The following COLEC10 variants were observed in gnomAD, a reference collection of about 807,000 sequenced individuals.
COLEC10 encodes the protein collectin subfamily member 10.
COLEC10 carries 22 observed loss-of-function variants against 28.4 expected under a neutral mutation model. The observed-to-expected ratio is 0.78, with a 90% CI of 0.55 to 1.11. The LOEUF (loss-of-function observed/expected upper bound fraction) is 1.11. Ranked by LOEUF, COLEC10 falls within the 50% of genes least tolerant of loss-of-function variation. The pLI is 0.00. For synonymous variants in COLEC10, 125 were observed against 116.1 expected (o/e 1.08, Z -0.49); for missense variants, 361 against 344.1 (o/e 1.05, Z -0.39).
At chr8:119,020,106 C>T (rs1364794102) in intron 2 of COLEC10, among the ~76,000 whole-genome samples, 1 of 152,086 alleles carries the variant, frequency 6.6e-6, no homozygotes, top group African/African-American at 2.4e-5. Context: ...CATAGCCTGG[C>T]CTTCCTTTTT....
chr8:119,085,599 C>CTTTTTTTTTTTTTTTTTTTTTT (rs66829005), intron 1 of COLEC10, among the ~76,000 whole-genome samples: 12 of 63,548 alleles, frequency 1.9e-4, no homozygotes, highest in East Asian at 5.9e-4. Context: ...TCTTCTTCTT[C>CTTTTTTTTTTTTTTTTTTTTTT]TTTTTTTTTT....
the COLEC10 span, among the ~76,000 whole-genome samples, chr8:118,980,755 C>CA: frequency 0.068 from 10,278 of 151,928 alleles, 610 homozygotes; most frequent in East Asian, 0.17. Flanking sequence ...TAGACACGTT[C>CA]AAAAATTCAG....
intron 2 of COLEC10, among the ~76,000 whole-genome samples, chr8:119,032,155 T>C (rs985139259): frequency 6.6e-6 from 1 of 152,204 alleles, no homozygotes; most frequent in Non-Finnish European, 1.5e-5. Context: ...GTGAATCTGG[T>C]TTACAGTCTT....
At chr8:118,995,477 ACAGTCTGGCAGATTATTTAGCC>A (rs1363083531) in exon 1 of COLEC10, 4 of 152,228 alleles carry the variant, frequency 2.6e-5, no homozygotes, top group African/African-American at 9.6e-5. Context: ...TGCGGCAGGA[ACAGTCTGGCAGATTATTTAGCC>A]CAGCCTCATA....
intron 2 of COLEC10, among the ~76,000 whole-genome samples, chr8:119,056,771 TA>T (rs1041122248): frequency 6.6e-6 from 1 of 151,474 alleles, no homozygotes; most frequent in Admixed American, 6.6e-5. Context: ...GCATTCTTTT[TA>T]AAAAAAAATC....
intron 2 of COLEC10, among the ~76,000 whole-genome samples, chr8:119,049,605 G>A (rs112201441): frequency 5.5e-4 from 84 of 151,636 alleles, no homozygotes; most frequent in Admixed American, 1.5e-3. Context: ...TAGTAGAGAC[G>A]AGGTTTCACC....
chr8:119,082,650 G>A lies in COLEC10; in HGVS notation c.149-7030G>A, dbSNP rs570774461. Among the ~76,000 whole-genome samples the A allele has an allele frequency of 5.3e-5, 8 of 152,330 alleles. No individual in the cohort carries two copies. In the South Asian group the frequency reaches 1.5e-3, roughly 28 times the overall value. On this transcript the variant is annotated intron_variant, in intron 1 of 5. Coordinates refer to ENST00000332843, the MANE Select transcript of COLEC10 (RefSeq NM_006438.5). ...AGAGGACTCCTTGGGAGAGGAGGTA[G>A]CACATGAGCTGAACTGACGAGGTAC...
intron 1 of COLEC10, among the ~76,000 whole-genome samples, chr8:119,074,634 C>T (rs1458379894): frequency 6.6e-6 from 1 of 152,106 alleles, no homozygotes; most frequent in Non-Finnish European, 1.5e-5. Flanking sequence ...TAGAAACATA[C>T]CAGGGAAAGA....
intron 2 of COLEC10, among the ~76,000 whole-genome samples, chr8:119,030,489 C>A (rs1814268357): frequency 6.6e-6 from 1 of 151,982 alleles, no homozygotes; most frequent in African/African-American, 2.4e-5. Context: ...TATGGTGAAA[C>A]CCCGTCTCTA....
rs759636787 is a variant in COLEC10, at chr8:119,103,937, C to T, written c.442+42C>T. The T allele has an allele frequency of 1.4e-5, 17 of 1,215,738 alleles. No individual in the cohort carries two copies. The Admixed American group carries it at 2.7e-4, about 19-fold the overall frequency. The allele number at this position is 1,215,738 out of a possible 1,614,324, so 75.3% of individuals were successfully genotyped here. ...TTGTGTTATGTATCTATTGATAGAT[C>T]TCCATCAACACTACAATTCCAGTAC... On this transcript the variant is annotated intron_variant, in intron 5 of 5. Transcript: ENST00000332843.
At chr8:119,094,715 G>C (rs569526928) in intron 3 of COLEC10, among the ~76,000 whole-genome samples, 1 of 152,244 alleles carries the variant, frequency 6.6e-6, no homozygotes, top group South Asian at 2.1e-4. Flanking sequence ...TGTCAAAGAG[G>C]AATGGCCCAG....
chr8:119,046,731 A>C (rs1472287763), intron 2 of COLEC10, among the ~76,000 whole-genome samples: 1 of 152,204 alleles, frequency 6.6e-6, no homozygotes, highest in Admixed American at 6.5e-5. Flanking sequence ...AAATGATTAT[A>C]ATCTTTATTT....
At chr8:119,067,494 C>T in intron 1 of COLEC10, 65 bp downstream of exon 1, 1 of 1,448,568 alleles carries the variant, frequency 6.9e-7, no homozygotes, top group South Asian at 1.3e-5. Context: ...TCTCTGAACC[C>T]CTTCCTAGAT....
rs1465645848 is a variant in COLEC10, at chr8:119,001,605, A to G, written n.122+6032A>G. Among the ~76,000 whole-genome samples the G allele has an allele frequency of 1.3e-5, 2 of 152,158 alleles. 1 individual carries two copies. The highest frequency in any genetic ancestry group is 1.3e-4 in the Admixed American group (2 of 15,266). ...AAAAACTTGGTAATTAGACAGTGCT[A>G]CTTGATTAGTAGGCCCTCCAAGGCT... On this transcript the variant is annotated intron_variant and non_coding_transcript_variant, in intron 1 of 6. Transcript: ENST00000521788.
chr8:119,088,827 C>T (rs966515479), intron 1 of COLEC10, among the ~76,000 whole-genome samples: 1 of 152,186 alleles, frequency 6.6e-6, no homozygotes, highest in Non-Finnish European at 1.5e-5. Context: ...GCCATCATTG[C>T]TAAGCACTGA....
At chr8:118,994,122 A>C (rs377652291), upstream of COLEC10, among the ~76,000 whole-genome samples, 1 of 152,170 alleles carries the variant, frequency 6.6e-6, no homozygotes, top group Non-Finnish European at 1.5e-5. Context: ...AATAGCTTGG[A>C]TTCTCTTTTT....
At chr8:119,024,676 A>G (rs1307246421) in intron 2 of COLEC10, among the ~76,000 whole-genome samples, 1 of 152,116 alleles carries the variant, frequency 6.6e-6, no homozygotes, top group Non-Finnish European at 1.5e-5. Context: ...TTCAGATGAC[A>G]TGACATGTCT....
chr8:118,993,214 T>G (rs923430866), upstream of COLEC10, among the ~76,000 whole-genome samples: 5 of 152,200 alleles, frequency 3.3e-5, no homozygotes, highest in African/African-American at 1.2e-4. Context: ...TTCTCACAGT[T>G]CTGGGGGCTG....
chr8:119,057,613 A>C (rs1361909661), intron 2 of COLEC10, among the ~76,000 whole-genome samples: 1 of 152,080 alleles, frequency 6.6e-6, no homozygotes, highest in Non-Finnish European at 1.5e-5. Context: ...ATTGTGTCTT[A>C]TTCACTGTTA....
Sources: gnomAD v4.1 joint callset for allele counts (sites outside exome capture counted in the v4.1 genomes callset) on GRCh38, gnomAD v4.1.1 for gene constraint, MANE v1.5 for transcripts, NCBI Gene and HGNC (gene_info 2026-07-23, HGNC 2026-07-21) for gene names.